XRCC4: variants seen among roughly 807,000 people sequenced by gnomAD.
XRCC4 encodes X-ray repair cross complementing 4.
Under a neutral mutation model 39.1 loss-of-function variants are expected in XRCC4, and 28 were observed. The observed-to-expected ratio is 0.72, with a 90% confidence interval of 0.53 to 0.98. The LOEUF is 0.98. Ranked by LOEUF, XRCC4 falls within the 50% of genes least tolerant of loss-of-function variation. The pLI is 0.00. For synonymous variants in XRCC4, 123 were observed against 126.4 expected, an observed-to-expected ratio of 0.97 and a Z score of 0.18; for missense variants, 350 against 376.4, an observed-to-expected ratio of 0.93 and a Z score of 0.58.
In XRCC4 at chr5:83,203,635, C is replaced by T. The variant is rs1482288279; in HGVS notation, c.566C>T (p.Thr189Ile). The change falls in exon 5 of 8, where the codon ACA becomes ATA. Residue 189 changes from threonine to isoleucine, a missense_variant. Coordinates refer to ENST00000396027, the MANE Select transcript of XRCC4 (RefSeq NM_003401.5). ...RFILVLNEKK[T>I]KIRSLHNKLL... is the part of the protein sequence containing the mutation. ...ATTCTGGTGTTGAATGAGAAGAAAA[C>T]AAAAATCAGAAGTTTGCATAATAAA... 4.3e-6 allele frequency: 7 copies of T among 1,611,324 alleles called. 1 individual carries two copies. In the South Asian group the frequency reaches 7.7e-5, roughly 18 times the overall value.
At chr5:83,101,762 G>A (rs1049310400) in intron 1 of XRCC4, among the ~76,000 whole-genome samples, 1 of 152,112 alleles carries the variant, frequency 6.6e-6, no homozygotes, top group African/African-American at 2.4e-5. Context: ...AAGTTTATCA[G>A]ATTTCTAGAT....
chr5:83,367,941 T>G, the XRCC4 span, among the ~76,000 whole-genome samples: 5 of 152,070 alleles, frequency 3.3e-5, no homozygotes, highest in East Asian at 3.9e-4. Context: ...CATAGGCAGC[T>G]CTGTATACCA....
chr5:83,273,574 A>G (rs189748719), intron 7 of XRCC4, among the ~76,000 whole-genome samples: 3 of 152,240 alleles, frequency 2.0e-5, no homozygotes, highest in East Asian at 1.9e-4. Context: ...CTTTTAATCC[A>G]TCTTGAGTTG....
At chr5:83,258,820 T>A in intron 7 of XRCC4, 143 bp downstream of exon 7, 3 of 1,010,032 alleles carry the variant, frequency 3.0e-6, no homozygotes, top group Non-Finnish European at 4.2e-6. Flanking sequence ...AATGTTTGAA[T>A]CAATGTATTG....
chr5:83,125,716 C>T (rs1202685853), intron 3 of XRCC4, among the ~76,000 whole-genome samples: 1 of 148,612 alleles, frequency 6.7e-6, no homozygotes, highest in Non-Finnish European at 1.5e-5. Context: ...GTGGGCTGGG[C>T]GTCGTGGCAC....
chr5:83,321,533 A>G (rs28360310), intron 7 of XRCC4, among the ~76,000 whole-genome samples: 4,875 of 152,226 alleles, frequency 0.032, 225 homozygotes, highest in African/African-American at 0.099. Context: ...GCCTGTTCCT[A>G]TTAAGCCACA....
intron 7 of XRCC4, among the ~76,000 whole-genome samples, chr5:83,316,458 A>G (rs1340661236): frequency 1.3e-5 from 2 of 151,332 alleles, no homozygotes; most frequent in Non-Finnish European, 2.9e-5. Context: ...CAGGAAACCC[A>G]TCTCACGTGC....
At chr5:83,209,746 TATTTATTAC>T (rs57212189) in intron 6 of XRCC4, among the ~76,000 whole-genome samples, 2,387 of 152,134 alleles carry the variant, frequency 0.016, 55 homozygotes, top group African/African-American at 0.055. Context: ...GAGTTGACAA[TATTTATTAC>T]AATTATAGGA....
intron 2 of XRCC4, among the ~76,000 whole-genome samples, chr5:83,106,587 AG>A (rs756849430): frequency 5.9e-5 from 9 of 152,032 alleles, no homozygotes; most frequent in South Asian, 2.1e-4. Context: ...GGGGGAAAAA[AG>A]AACACTCCAT....
intron 7 of XRCC4, among the ~76,000 whole-genome samples, chr5:83,283,051 A>C (rs1184424247): frequency 8.3e-6 from 1 of 120,850 alleles, no homozygotes. Context: ...TAGCCAGACC[A>C]AAAAAAAAAA....
At chr5:83,369,806 A>T in the XRCC4 span, among the ~76,000 whole-genome samples, 247 of 152,254 alleles carry the variant, frequency 1.6e-3, 1 homozygote, top group African/African-American at 5.7e-3. Context: ...GTTAACTCTT[A>T]GTTCTTTGAG....
the XRCC4 span, among the ~76,000 whole-genome samples, chr5:83,371,736 A>G: frequency 1.3e-5 from 2 of 152,216 alleles, no homozygotes; most frequent in Non-Finnish European, 2.9e-5. Flanking sequence ...GATAAAAGGA[A>G]GACATTGTTG....
intron 3 of XRCC4, among the ~76,000 whole-genome samples, chr5:83,153,359 C>T (rs1295214802): frequency 1.3e-5 from 2 of 152,084 alleles, no homozygotes; most frequent in Non-Finnish European, 2.9e-5. Context: ...CAGGTGCCCA[C>T]CACAATGCCC....
At chr5:83,173,076 GA>G (rs952778232) in intron 3 of XRCC4, among the ~76,000 whole-genome samples, 26 of 152,048 alleles carry the variant, frequency 1.7e-4, no homozygotes, top group African/African-American at 6.3e-4. Flanking sequence ...CCATGTTTAT[GA>G]AAAAAACATG....
At chr5:83,248,656 G>C (rs1753199219) in intron 6 of XRCC4, among the ~76,000 whole-genome samples, 1 of 152,074 alleles carries the variant, frequency 6.6e-6, no homozygotes, top group Non-Finnish European at 1.5e-5. Context: ...TTTGAAGATA[G>C]CTAAACAGTC....
chr5:83,347,363 G>A (rs576047854), intron 7 of XRCC4, among the ~76,000 whole-genome samples: 22 of 152,124 alleles, frequency 1.4e-4, no homozygotes, highest in African/African-American at 4.8e-4. Context: ...GGTTTAATTG[G>A]CTCACAGTTC....
intron 1 of XRCC4, among the ~76,000 whole-genome samples, chr5:83,089,248 T>G (rs1745313341): frequency 6.6e-6 from 1 of 152,246 alleles, no homozygotes; most frequent in Admixed American, 6.5e-5. Context: ...ACTAGAATTC[T>G]GAAACTATCA....
rs532525934 is a variant in XRCC4 at position 83,302,535 on chromosome 5, G to T, written c.893+43858G>T. Among the ~76,000 whole-genome samples, 173 of 152,236 alleles carry T rather than the reference G, an allele frequency of 1.1e-3. 1 individual carries two copies. The highest frequency in any genetic ancestry group is 1.5e-3 in the Admixed American group (23 of 15,298). ...GAGGGCTGCACCCACTGTCTAACCA[G>T]TCCCAATGAGATGAAACGGGTACCT... On this transcript the variant is annotated intron_variant, in intron 7 of 7. Coordinates refer to ENST00000396027, the MANE Select transcript of XRCC4 (RefSeq NM_003401.5).
At chr5:83,215,840 C>G (rs186000639) in intron 6 of XRCC4, among the ~76,000 whole-genome samples, 382 of 152,118 alleles carry the variant, frequency 2.5e-3, no homozygotes, top group African/African-American at 8.9e-3. Context: ...GGATCATAGG[C>G]CTATATATAA....
Sources: allele counts gnomAD v4.1 joint callset (sites outside exome capture counted in the v4.1 genomes callset), GRCh38; gene constraint gnomAD v4.1.1; transcripts MANE v1.5; gene names NCBI Gene and HGNC (gene_info 2026-07-23, HGNC 2026-07-21).